ZMYM4: variants seen among roughly 807,000 people sequenced by gnomAD.
ZMYM4 encodes zinc finger MYM-type protein 4.
A neutral mutation model predicts 183.2 loss-of-function variants in ZMYM4; 31 were observed. The ratio of observed to expected loss-of-function variants is 0.17; its 90% CI spans 0.13 to 0.23. ZMYM4 has a LOEUF of 0.23. Ranked by LOEUF, ZMYM4 falls within the 10% of genes least tolerant of loss-of-function variation. ZMYM4 has a pLI of 1.00. For synonymous variants in ZMYM4, 592 were observed against 631.2 expected, an observed-to-expected ratio of 0.94 and a Z score of 0.93; for missense variants, 1,273 against 1,840.3, an observed-to-expected ratio of 0.69 and a Z score of 5.64.
Position 35,419,635 on chromosome 1 carries a change from C to T in ZMYM4, c.4605C>T (p.Ala1535=), listed in dbSNP as rs1341607324. 14 of 1,614,080 alleles carry T rather than the reference C, an allele frequency of 8.7e-6. No homozygotes were observed. Among genetic ancestry groups the T allele is most frequent in the Non-Finnish European group, 1.2e-5 (14 of 1,179,998 alleles). ...TGAGGGAGGTACATGAAGAACTTGC[C>T]AAAGCCAAATCTGAAGACTCTGATG... ...LMVREVHEEL[A]KAKSEDSDVE... The change falls in exon 30 of 30, where the codon GCC becomes GCT. Residue 1535 remains alanine (A), a synonymous_variant. Transcript: ENST00000314607.
intron 2 of ZMYM4, chr1:35,351,015 T>A: frequency 1.1e-6 from 1 of 888,174 alleles, no homozygotes; most frequent in Non-Finnish European, 1.8e-6. Flanking sequence ...TGCAGCGCAT[T>A]GTACTGGCCT....
chr1:35,326,096 T>C (rs886891747), intron 2 of ZMYM4, among the ~76,000 whole-genome samples: 4 of 152,184 alleles, frequency 2.6e-5, no homozygotes, highest in African/African-American at 4.8e-5. Context: ...CCTCACTAAA[T>C]GTTGTTGATA....
At chr1:35,303,054 C>T (rs1641361829) in intron 1 of ZMYM4, among the ~76,000 whole-genome samples, 1 of 149,928 alleles carries the variant, frequency 6.7e-6, no homozygotes, top group East Asian at 2.0e-4. Context: ...GTGGGAGGAT[C>T]ACTTGAGTCT....
intron 1 of ZMYM4, among the ~76,000 whole-genome samples, chr1:35,276,348 A>G (rs755806115): frequency 3.5e-4 from 52 of 150,172 alleles, no homozygotes; most frequent in South Asian, 6.3e-4. Context: ...AATAATTTCA[A>G]AGAAATAACA....
chr1:35,317,756 A>G (rs549969783), intron 1 of ZMYM4, among the ~76,000 whole-genome samples: 55 of 152,128 alleles, frequency 3.6e-4, no homozygotes, highest in Non-Finnish European at 2.8e-4. Flanking sequence ...GCTATTTAAC[A>G]TGTTGATGGG....
In ZMYM4 at chr1:35,393,671, G is replaced by T. The variant is rs1191073811; in HGVS notation, c.2843G>T (p.Cys948Phe). The change falls in exon 18 of 30, where the codon TGC (cysteine) becomes TTC (phenylalanine). Residue 948 changes from cysteine to phenylalanine, a missense_variant. This residue lies in a region of ZMYM4 where 290 missense variants were observed against 353.3 expected (regional missense o/e 0.82). Coordinates refer to ENST00000314607, the MANE Select transcript of ZMYM4 (RefSeq NM_005095.3). ...CTTTTGAAGAACAAAGCTTTATTAT[G>T]CAAACCCATCACACAGACTAAAGCC... Reference protein sequence around the residue: ...PRLLKNKALLCKPITQTKATS... With the variant: ...PRLLKNKALLFKPITQTKATS... 6.2e-7 allele frequency: 1 copy of T among 1,612,732 alleles called. No individual in the cohort carries two copies.
At chr1:35,297,961 G>A (rs1260205363) in intron 1 of ZMYM4, among the ~76,000 whole-genome samples, 2 of 152,230 alleles carry the variant, frequency 1.3e-5, no homozygotes, top group African/African-American at 4.8e-5. Flanking sequence ...TACCATTAAT[G>A]GGGAATTAAC....
At chr1:35,388,048 A>G (rs886154963) in intron 13 of ZMYM4, among the ~76,000 whole-genome samples, 7 of 152,216 alleles carry the variant, frequency 4.6e-5, no homozygotes, top group African/African-American at 7.2e-5. Context: ...TTTTCCTTAG[A>G]TAACTCTTCT....
intron 7 of ZMYM4, among the ~76,000 whole-genome samples, chr1:35,373,783 C>T (rs962830415): frequency 4.0e-5 from 6 of 151,370 alleles, no homozygotes; most frequent in Non-Finnish European, 8.8e-5. Context: ...GTGATCCACC[C>T]GCCTCAATCT....
intron 1 of ZMYM4, chr1:35,295,857 G>A (rs1375688081): frequency 6.6e-6 from 1 of 152,046 alleles, no homozygotes; most frequent in African/African-American, 2.4e-5. Flanking sequence ...AAGTCAAGTT[G>A]GGTTTTGGCC....
At chr1:35,279,764 C>G (rs1481777147) in intron 1 of ZMYM4, among the ~76,000 whole-genome samples, 1 of 152,194 alleles carries the variant, frequency 6.6e-6, no homozygotes, top group Non-Finnish European at 1.5e-5. Context: ...GAACATAGTT[C>G]AGCCACTTTA....
At chr1:35,332,410 T>G (rs978865747) in intron 2 of ZMYM4, among the ~76,000 whole-genome samples, 11 of 151,758 alleles carry the variant, frequency 7.2e-5, no homozygotes, top group South Asian at 6.2e-4. Flanking sequence ...GATGTTTTTT[T>G]TTTTTTTTTT....
chr1:35,403,588 A>G (rs553599357), intron 23 of ZMYM4, among the ~76,000 whole-genome samples: 271 of 152,152 alleles, frequency 1.8e-3, no homozygotes, highest in African/African-American at 6.1e-3. Flanking sequence ...GGCTGGCCCT[A>G]TGAAGGTTTT....
At chr1:35,393,416 T>C (rs1644745804) in intron 17 of ZMYM4, among the ~76,000 whole-genome samples, 179 bp from the exon 18 acceptor site, 1 of 152,166 alleles carries the variant, frequency 6.6e-6, no homozygotes, top group African/African-American at 2.4e-5. Flanking sequence ...ATTAAAACAT[T>C]CCTTGATTAC....
intron 23 of ZMYM4, among the ~76,000 whole-genome samples, chr1:35,402,557 T>C (rs1041282480): frequency 1.3e-5 from 2 of 152,040 alleles, no homozygotes; most frequent in African/African-American, 4.8e-5. Context: ...GGGTCGAGGC[T>C]GCAGTAAGCC....
chr1:35,406,788 G>C (rs923840192), intron 25 of ZMYM4, among the ~76,000 whole-genome samples: 5 of 152,194 alleles, frequency 3.3e-5, no homozygotes, highest in African/African-American at 1.2e-4. Context: ...GAGCCCATGT[G>C]TATGTAATCT....
chr1:35,309,116 A>G, intron 1 of ZMYM4: 1 of 818,658 alleles, frequency 1.2e-6, no homozygotes, highest in Non-Finnish European at 1.5e-6. Context: ...ATGGATGCCA[A>G]CCTCATTGAA....
At position 35,397,259 on chromosome 1, in the gene ZMYM4, G is replaced by T. The variant is rs920486301; in HGVS notation, c.3031-118G>T. 4 of 1,191,926 alleles carry T rather than the reference G, an allele frequency of 3.4e-6. No individual in the cohort carries two copies. In the African/African-American group the frequency reaches 6.2e-5, roughly 19 times the overall value. 73.8% of individuals were successfully genotyped at this position (1,191,926 alleles called of 1,614,324 possible). On this transcript the variant is annotated intron_variant, in intron 19 of 29. Coordinates refer to ENST00000314607, the MANE Select transcript of ZMYM4 (RefSeq NM_005095.3). ...ACTAGCAAGACTATTTTAATCATCA[G>T]CAATGAATATACCTTAAATTTGTTT... is the stretch of plus-strand genomic sequence containing the variant.
chr1:35,293,203 C>A (rs922112254), intron 1 of ZMYM4, among the ~76,000 whole-genome samples: 1 of 151,748 alleles, frequency 6.6e-6, no homozygotes, highest in Non-Finnish European at 1.5e-5. Context: ...CAGGGTCTTC[C>A]TATGTTACTT....
Sources: allele counts gnomAD v4.1 joint callset (sites outside exome capture counted in the v4.1 genomes callset), GRCh38; gene constraint gnomAD v4.1.1; regional missense constraint gnomAD v4.1.1; transcripts MANE v1.5; gene names NCBI Gene and HGNC (gene_info 2026-07-23, HGNC 2026-07-21).